Variants in KLF6 observed in about 807,000 individuals in gnomAD.
KLF6 encodes Krueppel-like factor 6.
For missense variants in KLF6, 233 were observed against 359.8 expected (o/e 0.65, Z 2.85); for synonymous variants, 152 against 147.9 (o/e 1.03, Z -0.20).
chr10:3,777,876 G>T lies in KLF6; in HGVS notation c.*1663C>A, dbSNP rs1047586692. ...TGTATTACCAACAGATAGCTAGACA[G>T]ATATGTGAAACTTGTGCCTTTTAAG... On this transcript the variant is annotated 3_prime_UTR_variant, in exon 4 of 4. Coordinates refer to ENST00000497571, the MANE Select transcript of KLF6 (RefSeq NM_001300.6). 3 of 487,436 alleles carry T rather than the reference G, an allele frequency of 6.2e-6. No homozygotes were observed. Among genetic ancestry groups the T allele is most frequent in the Non-Finnish European group, 1.2e-5 (3 of 247,982 alleles). The allele number at this position is 487,436 out of a possible 1,614,324, so 30.2% of individuals were successfully genotyped here. A position where few individuals can be genotyped will look rare whatever the true frequency, so the allele number is the denominator to read the frequency against.
Position 3,781,454 on chromosome 10 carries a change from G to A in KLF6, c.676+187C>T, listed in dbSNP as rs907911325. 3.3e-6 allele frequency: 5 copies of A among 1,535,970 alleles called. No individual in the cohort carries two copies. The African/African-American group carries it at 6.9e-5, about 21-fold the overall frequency. On this transcript the variant is annotated intron_variant, in intron 2 of 3. Coordinates refer to ENST00000497571, the MANE Select transcript of KLF6 (RefSeq NM_001300.6). The surrounding 1 kb of genome is among the most constrained non-coding windows in gnomAD (Gnocchi z 5.8). ...TGTTACACATTTATCCAACTCAAAA[G>A]TCCAGTCTTTAGGATTCTACTCTGA... is the stretch of plus-strand genomic sequence containing the variant.
rs927395842 is a variant in KLF6 at position 3,777,088 on chromosome 10, A to G, written c.*2451T>C. 5.8e-6 allele frequency: 3 copies of G among 515,108 alleles called. No homozygotes were observed. Among genetic ancestry groups the G allele is most frequent in the African/African-American group, 5.7e-5 (3 of 52,694 alleles). 31.9% of individuals were successfully genotyped at this position (515,108 alleles called of 1,614,324 possible). A position where few individuals can be genotyped will look rare whatever the true frequency, so the allele number is the denominator to read the frequency against. Reference sequence around the variant, plus strand: ...AACTGCACTTCCCCTCTTAAGTAAAACGAAATGAGTTTCTTAGGTAAATGT... The same window carrying G: ...AACTGCACTTCCCCTCTTAAGTAAAGCGAAATGAGTTTCTTAGGTAAATGT... On this transcript the variant is annotated 3_prime_UTR_variant, in exon 4 of 4. Coordinates refer to ENST00000497571, the MANE Select transcript of KLF6 (RefSeq NM_001300.6).
Position 3,777,769 on chromosome 10 carries a change from TATACACAC to T in KLF6, c.*1762_*1769del. ...ATTATCTATATATATAATATATATA[TATACACAC>T]ATACACATACTGTACACACAAATAT... On this transcript the variant is annotated 3_prime_UTR_variant, in exon 4 of 4. Coordinates refer to ENST00000497571, the MANE Select transcript of KLF6 (RefSeq NM_001300.6). The T allele has an allele frequency of 2.6e-6, 1 of 391,918 alleles. No homozygotes were observed. The highest frequency in any genetic ancestry group is 4.8e-6 in the Non-Finnish European group (1 of 208,276). The allele number at this position is 391,918 out of a possible 1,614,324, so 24.3% of individuals were successfully genotyped here. A position where few individuals can be genotyped will look rare whatever the true frequency, so the allele number is the denominator to read the frequency against.
Position 3,781,577 on chromosome 10 carries a change from A to C in KLF6, c.676+64T>G. 1 of 1,597,178 alleles carries C rather than the reference A, an allele frequency of 6.3e-7. No individual in the cohort carries two copies. Among genetic ancestry groups the C allele is most frequent in the Middle Eastern group, 1.7e-4 (1 of 6,040 alleles). ...TGTGCAGCCAGGCCCGGCTCCCTCC[A>C]GGGCTGGTGCAATGCAGTGGCGCCC... On this transcript the variant is annotated intron_variant, in intron 2 of 3. Transcript: ENST00000497571. This position sits in a 1 kb window ranked among gnomAD's most constrained non-coding sequence, Gnocchi z 5.8.
Position 3,781,260 on chromosome 10 carries a change from C to A in KLF6, c.676+381G>T. 1 of 637,302 alleles carries A rather than the reference C, an allele frequency of 1.6e-6. No individual in the cohort carries two copies. Among genetic ancestry groups the A allele is most frequent in the South Asian group, 2.3e-5 (1 of 44,312 alleles). 39.5% of individuals were successfully genotyped at this position (637,302 alleles called of 1,614,324 possible). A position where few individuals can be genotyped will look rare whatever the true frequency, so the allele number is the denominator to read the frequency against. ...CTGCCCAGCAACCCTCTGTCCTGAC[C>A]CTTGAGTTTCATTTAGGAAACCCCA... On this transcript the variant is annotated intron_variant, in intron 2 of 3. Coordinates refer to ENST00000497571, the MANE Select transcript of KLF6 (RefSeq NM_001300.6). The surrounding 1 kb of genome is among the most constrained non-coding windows in gnomAD (Gnocchi z 5.8).
At position 3,777,376 on chromosome 10, in the gene KLF6, T is replaced by C; in HGVS notation, c.*2163A>G. The C allele has an allele frequency of 1.9e-6, 1 of 513,420 alleles. No homozygotes were observed. Among genetic ancestry groups the C allele is most frequent in the East Asian group, 4.3e-5 (1 of 23,442 alleles). 31.8% of individuals were successfully genotyped at this position (513,420 alleles called of 1,614,324 possible). On this transcript the variant is annotated 3_prime_UTR_variant, in exon 4 of 4. Coordinates refer to ENST00000497571, the MANE Select transcript of KLF6 (RefSeq NM_001300.6). ...AATAGCTTCATCTGCATAAAAAGTG[T>C]TCTACAAAAGAATCCCTGTGGTTAG... is the stretch of plus-strand genomic sequence containing the variant.
chr10:3,783,111 G>A (rs1484785185), intron 1 of KLF6: 3 of 152,142 alleles, frequency 2.0e-5, no homozygotes, highest in Non-Finnish European at 4.4e-5. Flanking sequence ...CAATGCCAAA[G>A]GAGACTTCCT....
Position 3,780,245 on chromosome 10 carries a change from A to G in KLF6, c.677-16T>C, listed in dbSNP as rs938245828. On this transcript the variant is annotated splice_polypyrimidine_tract_variant and intron_variant, in intron 2 of 3. Transcript: ENST00000497571. The surrounding 1 kb of genome is among the most constrained non-coding windows in gnomAD (Gnocchi z 4.6). ...GGCTTTTCTCCTGGGGAGAGAGCAC[A>G]GGACAAGCAGCCCATGACTTCACTG... 5.6e-6 allele frequency: 9 copies of G among 1,613,026 alleles called. No individual in the cohort carries two copies. The African/African-American group carries it at 1.1e-4, about 19-fold the overall frequency.
rs1163598774 is a variant in KLF6 at position 3,776,141 on chromosome 10, G to C, written c.*3398C>G. 4 of 530,360 alleles carry C rather than the reference G, an allele frequency of 7.5e-6. No homozygotes were observed. The East Asian group carries it at 1.6e-4, about 21-fold the overall frequency. 32.9% of individuals were successfully genotyped at this position (530,360 alleles called of 1,614,324 possible). On this transcript the variant is annotated 3_prime_UTR_variant, in exon 4 of 4. Transcript: ENST00000497571. Reference sequence around the variant, plus strand: ...CCAGGTGTGTGGCAGGGCTGGCTGGGGAAGGTAGGCCCAGCTCTAGCTGCG... The same window carrying C: ...CCAGGTGTGTGGCAGGGCTGGCTGGCGAAGGTAGGCCCAGCTCTAGCTGCG...
intron 1 of KLF6, among the ~76,000 whole-genome samples, chr10:3,784,023 C>A (rs1832591656): frequency 1.3e-5 from 2 of 152,152 alleles, no homozygotes; most frequent in African/African-American, 2.4e-5. Context: ...TTAAAGCTTT[C>A]GAGGCTTGGA....
rs761929862 is a variant in KLF6, at chr10:3,778,969, C to T, written c.*570G>A. 5.3e-4 allele frequency: 281 copies of T among 534,790 alleles called. No individual in the cohort carries two copies. The highest frequency in any genetic ancestry group is 8.6e-4 in the Non-Finnish European group (237 of 276,658). The allele number at this position is 534,790 out of a possible 1,614,324, so 33.1% of individuals were successfully genotyped here. A position where few individuals can be genotyped will look rare whatever the true frequency, so the allele number is the denominator to read the frequency against. On this transcript the variant is annotated 3_prime_UTR_variant, in exon 4 of 4. Coordinates refer to ENST00000497571, the MANE Select transcript of KLF6 (RefSeq NM_001300.6). Reference sequence around the variant, plus strand: ...AGAGGCTCTCCCTCCCCACACCACTCGCCACTCTGGGGTCCTGAGTTCCCA... The same window carrying T: ...AGAGGCTCTCCCTCCCCACACCACTTGCCACTCTGGGGTCCTGAGTTCCCA...
rs1241128695 is a variant in KLF6, at chr10:3,779,028, T to C, written c.*511A>G. The C allele has an allele frequency of 1.9e-6, 1 of 526,872 alleles. No homozygotes were observed. Among genetic ancestry groups the C allele is most frequent in the Non-Finnish European group, 3.6e-6 (1 of 274,304 alleles). The allele number at this position is 526,872 out of a possible 1,614,324, so 32.6% of individuals were successfully genotyped here. On this transcript the variant is annotated 3_prime_UTR_variant, in exon 4 of 4. Coordinates refer to ENST00000497571, the MANE Select transcript of KLF6 (RefSeq NM_001300.6). ...CTCCAAGATTTTCCTTCTTTTTTTGTTTTTGTTTTTTTGTTTTTTTGATTT... is the reference window on the plus strand; with the variant it reads ...CTCCAAGATTTTCCTTCTTTTTTTGCTTTTGTTTTTTTGTTTTTTTGATTT...
At position 3,776,547 on chromosome 10, in the gene KLF6, T is replaced by C. The variant is rs1333568587; in HGVS notation, c.*2992A>G. ...CTTCCCCCAAAAAAAACAACCAGAC[T>C]CAAGATGCTGATAAGAATTCTTTTA... On this transcript the variant is annotated 3_prime_UTR_variant, in exon 4 of 4. Coordinates refer to ENST00000497571, the MANE Select transcript of KLF6 (RefSeq NM_001300.6). 1 of 527,332 alleles carries C rather than the reference T, an allele frequency of 1.9e-6. No homozygotes were observed. Among genetic ancestry groups the C allele is most frequent in the Non-Finnish European group, 3.7e-6 (1 of 272,106 alleles). 32.7% of individuals were successfully genotyped at this position (527,332 alleles called of 1,614,324 possible).
chr10:3,776,932 C>CTTTTTTTTTTTTTGTTTTTTTTTTTCCT lies in KLF6; in HGVS notation c.*2606_*2607insAGGAAAAAAAAAAACAAAAAAAAAAAAA. On this transcript the variant is annotated 3_prime_UTR_variant, in exon 4 of 4. Coordinates refer to ENST00000497571, the MANE Select transcript of KLF6 (RefSeq NM_001300.6). ...AAGCCAGTGCAAGTTTTTTTTTTTC[C>CTTTTTTTTTTTTTGTTTTTTTTTTTCCT]TTTTTTTTTTTTTGTCTTTTGCTTA... 2 of 417,618 alleles carry CTTTTTTTTTTTTTGTTTTTTTTTTTCCT rather than the reference C, an allele frequency of 4.8e-6. No individual in the cohort carries two copies. The highest frequency in any genetic ancestry group is 2.9e-5 in the Admixed American group (1 of 34,022). The allele number at this position is 417,618 out of a possible 1,614,324, so 25.9% of individuals were successfully genotyped here.
At chr10:3,784,789 C>T (rs1313053929) in intron 1 of KLF6, 124 bp downstream of exon 1, 2 of 890,132 alleles carry the variant, frequency 2.2e-6, no homozygotes, top group Non-Finnish European at 3.2e-6. Flanking sequence ...GCTGCGCCCG[C>T]TCCCCCGGTG....
rs148495338 is a variant in KLF6 at position 3,776,222 on chromosome 10, G to C, written c.*3317C>G. ...TGGCAGGGAAACACTCAAGTTTGTCGTTGTGCAGGTGCCTCTGCAATGCAT... is the reference window on the plus strand; with the variant it reads ...TGGCAGGGAAACACTCAAGTTTGTCCTTGTGCAGGTGCCTCTGCAATGCAT... On this transcript the variant is annotated 3_prime_UTR_variant, in exon 4 of 4. Transcript: ENST00000497571. 6 of 532,302 alleles carry C rather than the reference G, an allele frequency of 1.1e-5. No individual in the cohort carries two copies. The highest frequency in any genetic ancestry group is 4.6e-5 in the South Asian group (3 of 65,130). 33.0% of individuals were successfully genotyped at this position (532,302 alleles called of 1,614,324 possible).
Position 3,778,471 on chromosome 10 carries a change from C to T in KLF6, c.*1068G>A, listed in dbSNP as rs1252424569. 5.7e-6 allele frequency: 3 copies of T among 525,486 alleles called. No homozygotes were observed. The highest frequency in any genetic ancestry group is 1.1e-5 in the Non-Finnish European group (3 of 270,838). The allele number at this position is 525,486 out of a possible 1,614,324, so 32.6% of individuals were successfully genotyped here. On this transcript the variant is annotated 3_prime_UTR_variant, in exon 4 of 4. Coordinates refer to ENST00000497571, the MANE Select transcript of KLF6 (RefSeq NM_001300.6). ...AATGAAACATTAGACCAGCAATTCC[C>T]AGCCCCAGCTTTGTGACACTCAATA... is the stretch of plus-strand genomic sequence containing the variant.
In KLF6 at chr10:3,777,993, A is replaced by G. The variant is rs1201561404; in HGVS notation, c.*1546T>C. 4.0e-6 allele frequency: 2 copies of G among 504,384 alleles called. No individual in the cohort carries two copies. Among genetic ancestry groups the G allele is most frequent in the Non-Finnish European group, 3.9e-6 (1 of 257,482 alleles). The allele number at this position is 504,384 out of a possible 1,614,324, so 31.2% of individuals were successfully genotyped here. On this transcript the variant is annotated 3_prime_UTR_variant, in exon 4 of 4. Coordinates refer to ENST00000497571, the MANE Select transcript of KLF6 (RefSeq NM_001300.6). ...ATTAAATACAGCCGGTGTGTGATCT[A>G]TACAATTGTTGTGCAAGGTCTATAT... is the stretch of plus-strand genomic sequence containing the variant.
Position 3,784,832 on chromosome 10 carries a change from A to G in KLF6, c.102+81T>C. ...GGGGCCCAGGCCCAGCGGACCGCAG[A>G]GAGCACCGGGTCTGAACCCCAAACA... On this transcript the variant is annotated intron_variant, in intron 1 of 3. Coordinates refer to ENST00000497571, the MANE Select transcript of KLF6 (RefSeq NM_001300.6). 2.2e-6 allele frequency: 3 copies of G among 1,338,064 alleles called. No individual in the cohort carries two copies. In the East Asian group the frequency reaches 7.8e-5, roughly 35 times the overall value. 82.9% of individuals were successfully genotyped at this position (1,338,064 alleles called of 1,614,324 possible). A position where few individuals can be genotyped will look rare whatever the true frequency, so the allele number is the denominator to read the frequency against.
Sources: allele counts gnomAD v4.1 joint callset (sites outside exome capture counted in the v4.1 genomes callset), GRCh38; gene constraint gnomAD v4.1.1; non-coding constraint Gnocchi (gnomAD v3.1); transcripts MANE v1.5; gene names NCBI Gene and HGNC (gene_info 2026-07-23, HGNC 2026-07-21).